Variants in ZBTB40 observed in about 807,000 individuals in gnomAD.
ZBTB40 encodes zinc finger and BTB domain-containing protein 40.
Under a neutral mutation model 117.5 loss-of-function variants are expected in ZBTB40, and 60 were observed. That is an observed-to-expected ratio of 0.51 (90% confidence interval 0.41 to 0.63). ZBTB40 has a LOEUF of 0.63. Ranked by LOEUF, ZBTB40 falls within the 30% of genes least tolerant of loss-of-function variation. The pLI is 0.00. For synonymous variants in ZBTB40, 525 were observed against 577.1 expected (o/e 0.91, Z 1.29); for missense variants, 1,287 against 1,498.5 (o/e 0.86, Z 2.33).
intron 1 of ZBTB40, among the ~76,000 whole-genome samples, chr1:22,470,749 C>A (rs975633468): frequency 1.3e-5 from 2 of 152,176 alleles, no homozygotes; most frequent in Non-Finnish European, 2.9e-5. Context: ...CCGTAATAGA[C>A]GAGACATCAC....
chr1:22,472,218 C>A (rs1256795640), intron 1 of ZBTB40, among the ~76,000 whole-genome samples: 4 of 151,838 alleles, frequency 2.6e-5, no homozygotes, highest in Non-Finnish European at 5.9e-5. Flanking sequence ...GCTGTGTTGC[C>A]CAGGCTGGAG....
intron 1 of ZBTB40, among the ~76,000 whole-genome samples, chr1:22,482,206 CAT>C (rs531552753): frequency 1.3e-5 from 2 of 152,142 alleles, no homozygotes; most frequent in African/African-American, 2.4e-5. Flanking sequence ...TGAAAACAAT[CAT>C]ATGAATTCAT....
intron 12 of ZBTB40, among the ~76,000 whole-genome samples, chr1:22,515,030 A>G (rs1242992657): frequency 6.6e-6 from 1 of 152,248 alleles, no homozygotes; most frequent in African/African-American, 2.4e-5. Flanking sequence ...AGAAGCATAA[A>G]GCAGGGTACA....
At chr1:22,477,974 C>T (rs1281515613) in intron 1 of ZBTB40, among the ~76,000 whole-genome samples, 1 of 152,216 alleles carries the variant, frequency 6.6e-6, no homozygotes, top group African/African-American at 2.4e-5. Context: ...TATTCAGTTT[C>T]TATTCCCTTG....
Position 22,490,557 on chromosome 1 carries a change from A to G in ZBTB40, c.609A>G (p.Pro203=), listed in dbSNP as rs771694590. The G allele has an allele frequency of 6.2e-7, 1 of 1,613,914 alleles. No individual in the cohort carries two copies. The highest frequency in any genetic ancestry group is 8.5e-7 in the Non-Finnish European group (1 of 1,179,916). ...AGAGCCAGAGGAATGCAGAAACCCCAGCGGAGACTCCTACTACAGCTGAAG... is the reference window on the plus strand; with the variant it reads ...AGAGCCAGAGGAATGCAGAAACCCCGGCGGAGACTCCTACTACAGCTGAAG... ...AQESQRNAET[P]AETPTTAEAC... is the part of the protein sequence containing the mutation. The change falls in exon 2 of 18, where the codon CCA becomes CCG. Residue 203 remains proline (P), a synonymous_variant. Transcript: ENST00000375647.
In ZBTB40 at chr1:22,508,149, A is replaced by T; in HGVS notation, c.1497+12A>T. 1 of 1,613,226 alleles carries T rather than the reference A, an allele frequency of 6.2e-7. No individual in the cohort carries two copies. Among genetic ancestry groups the T allele is most frequent in the Non-Finnish European group, 8.5e-7 (1 of 1,179,800 alleles). ...CTGGAGAAAGAGAGGTAAGAGAGGG[A>T]GAGAAACAGAGGGAGGGGAGGGTAA... On this transcript the variant is annotated intron_variant, in intron 7 of 17. Transcript: ENST00000375647.
At chr1:22,445,632 C>T (rs566727425) in intron 1 of ZBTB40, among the ~76,000 whole-genome samples, 5 of 152,170 alleles carry the variant, frequency 3.3e-5, no homozygotes, top group African/African-American at 4.8e-5. Flanking sequence ...CCAAGGTGGG[C>T]GGATCATGAG....
At chr1:22,495,383 G>A (rs1638745517) in intron 3 of ZBTB40, among the ~76,000 whole-genome samples, 1 of 152,126 alleles carries the variant, frequency 6.6e-6, no homozygotes, top group Admixed American at 6.5e-5. Context: ...TATCCCTTAC[G>A]CATTAGAAAA....
chr1:22,522,488 C>G, intron 16 of ZBTB40, 25 bp downstream of exon 16: 1 of 1,611,240 alleles, frequency 6.2e-7, no homozygotes, highest in African/African-American at 1.3e-5. Flanking sequence ...CAGCATACTT[C>G]TAGGCTAGAC....
At chr1:22,508,952 G>A in intron 8 of ZBTB40, 148 bp from the exon 9 acceptor site, 1 of 1,231,688 alleles carries the variant, frequency 8.1e-7, no homozygotes, top group East Asian at 2.3e-5. Context: ...TCTGATTACA[G>A]TGCTATTTGC....
intron 5 of ZBTB40, among the ~76,000 whole-genome samples, chr1:22,505,024 A>G (rs1639040950): frequency 6.6e-6 from 1 of 152,234 alleles, no homozygotes; most frequent in African/African-American, 2.4e-5. Context: ...AAAGAATATG[A>G]CAGCTTGATT....
rs761051818 is a variant in ZBTB40, at chr1:22,490,164, G to C, written c.216G>C (p.Ala72=). ...DASVVSPEEF[A]LLLEMMYTGK... The stretch of plus-strand genomic sequence containing the variant: ...CTGTGGTGAGCCCCGAGGAGTTTGC[G>C]CTCTTGTTGGAAATGATGTACACGG... Residue 72 remains alanine, a synonymous_variant, in exon 2 of 18, where the codon GCG becomes GCC. Transcript: ENST00000375647. The C allele has an allele frequency of 1.9e-6, 3 of 1,614,154 alleles. No individual in the cohort carries two copies. The highest frequency in any genetic ancestry group is 1.7e-6 in the Non-Finnish European group (2 of 1,180,030).
chr1:22,506,149 T>TA lies in ZBTB40; in HGVS notation c.1272dup (p.Leu425ThrfsTer35). ...AAGACGCTGACTGCTGAGGGTTTGG[T>TA]AAAACTCCTCCAGGCTGTGAAGACG... On this transcript the variant is annotated frameshift_variant, in exon 6 of 18. Transcript: ENST00000375647. LOFTEE classifies it high-confidence loss of function. 6.2e-7 allele frequency: 1 copy of TA among 1,614,138 alleles called. No homozygotes were observed. The highest frequency in any genetic ancestry group is 8.5e-7 in the Non-Finnish European group (1 of 1,180,000).
intron 14 of ZBTB40, among the ~76,000 whole-genome samples, 194 bp downstream of exon 14, chr1:22,520,469 G>A (rs1462410278): frequency 9.2e-5 from 14 of 152,166 alleles, no homozygotes; most frequent in Admixed American, 9.2e-4. Context: ...CTGCAGTGGG[G>A]GAGCTCATTA....
intron 1 of ZBTB40, among the ~76,000 whole-genome samples, chr1:22,458,547 A>C (rs555864043): frequency 6.6e-6 from 1 of 152,300 alleles, no homozygotes; most frequent in East Asian, 1.9e-4. Flanking sequence ...ACTGACCTTT[A>C]TATTACTGAA....
At chr1:22,505,615 G>A (rs1293847060) in intron 5 of ZBTB40, among the ~76,000 whole-genome samples, 1 of 152,144 alleles carries the variant, frequency 6.6e-6, no homozygotes, top group Non-Finnish European at 1.5e-5. Context: ...TATAACCTAT[G>A]CTAATATTAT....
intron 13 of ZBTB40, among the ~76,000 whole-genome samples, chr1:22,518,568 A>G (rs1311475921): frequency 6.6e-6 from 1 of 151,914 alleles, no homozygotes; most frequent in African/African-American, 2.4e-5. Flanking sequence ...CCCACACACC[A>G]GTTTCTAGCT....
At chr1:22,481,819 C>T (rs1638329562) in intron 1 of ZBTB40, among the ~76,000 whole-genome samples, 1 of 111,766 alleles carries the variant, frequency 8.9e-6, no homozygotes, top group Non-Finnish European at 1.8e-5. Flanking sequence ...AAAAAAATCA[C>T]ATTACATTGG....
At chr1:22,466,441 C>G (rs991251987) in intron 1 of ZBTB40, among the ~76,000 whole-genome samples, 1 of 152,158 alleles carries the variant, frequency 6.6e-6, no homozygotes, top group Non-Finnish European at 1.5e-5. Flanking sequence ...CTGTGCTTAA[C>G]TCTTTGAGAA....
Sources: gnomAD v4.1 joint callset for allele counts (sites outside exome capture counted in the v4.1 genomes callset) on GRCh38, gnomAD v4.1.1 for gene constraint, MANE v1.5 for transcripts, NCBI Gene and HGNC (gene_info 2026-07-23, HGNC 2026-07-21) for gene names.